RBFOX1: variants seen among roughly 807,000 people sequenced by gnomAD.
RBFOX1 encodes the protein RNA binding fox-1 homolog 1.
In RBFOX1, 8 loss-of-function variants were observed where a neutral mutation model predicts 57.7. That is an observed-to-expected ratio of 0.14 (90% CI 0.08 to 0.25). RBFOX1 has a LOEUF of 0.25. Among genes scored for constraint, RBFOX1 ranks in the 10% least tolerant of loss-of-function variants. The probability of loss-of-function intolerance (pLI) is 1.00; values close to 1 mark genes in which losing one functional copy is unlikely to be tolerated. For missense variants in RBFOX1, 611 were observed against 548.5 expected (o/e 1.11, Z -1.14); for synonymous variants, 326 against 222.4 (o/e 1.47, Z -4.15).
chr16:6,520,642 C>A (rs997658450), intron 2 of RBFOX1, among the ~76,000 whole-genome samples: 2 of 152,182 alleles, frequency 1.3e-5, no homozygotes, highest in African/African-American at 2.4e-5. Flanking sequence ...TGAAGACTAT[C>A]TTTGAAAAGG....
At chr16:5,375,085 CA>C (rs576765968) in intron 1 of RBFOX1, among the ~76,000 whole-genome samples, 6,064 of 36,864 alleles carry the variant, frequency 0.16, 25 homozygotes, top group Non-Finnish European at 0.19. Context: ...TTTAAATGGC[CA>C]AAAAAAAAAA....
At chr16:7,089,236 C>G (rs1337550670) in intron 4 of RBFOX1, among the ~76,000 whole-genome samples, 1 of 152,164 alleles carries the variant, frequency 6.6e-6, no homozygotes, top group Non-Finnish European at 1.5e-5. Context: ...TCTCTTCGAG[C>G]TTGCGTATCA....
At chr16:6,252,402 C>G (rs1169180202) in intron 1 of RBFOX1, among the ~76,000 whole-genome samples, 3 of 151,952 alleles carry the variant, frequency 2.0e-5, no homozygotes, top group Non-Finnish European at 2.9e-5. Flanking sequence ...CAATTAAAAA[C>G]AAAACAAAAA....
chr16:7,114,591 A>C (rs1324046275), intron 4 of RBFOX1, among the ~76,000 whole-genome samples: 17 of 152,156 alleles, frequency 1.1e-4, no homozygotes, highest in Non-Finnish European at 4.4e-5. Flanking sequence ...CCTCTAGCCC[A>C]AGATCTTTCT....
intron 2 of RBFOX1, among the ~76,000 whole-genome samples, chr16:6,503,508 C>G (rs759840001): frequency 2.0e-5 from 3 of 152,228 alleles, no homozygotes; most frequent in Admixed American, 6.5e-5. Context: ...TCTGGGTTTA[C>G]TCACACCACT....
chr16:5,462,337 T>G (rs1012330847), intron 1 of RBFOX1, among the ~76,000 whole-genome samples: 3 of 151,484 alleles, frequency 2.0e-5, no homozygotes, highest in African/African-American at 7.3e-5. Context: ...CCCGGCTAAT[T>G]TTTTGTATTT....
chr16:6,083,047 G>C (rs1402056726), intron 1 of RBFOX1, among the ~76,000 whole-genome samples: 1 of 151,952 alleles, frequency 6.6e-6, no homozygotes, highest in East Asian at 1.9e-4. Flanking sequence ...TGTCACCCAG[G>C]CTGGAGTGCA....
chr16:6,577,868 AT>A (rs1028125858), intron 2 of RBFOX1, among the ~76,000 whole-genome samples: 4 of 152,310 alleles, frequency 2.6e-5, no homozygotes, highest in Admixed American at 2.6e-4. Context: ...ATGGAAGGAT[AT>A]TTTATTTATT....
intron 3 of RBFOX1, among the ~76,000 whole-genome samples, chr16:6,849,466 G>A (rs767773245): frequency 6.6e-5 from 10 of 152,112 alleles, no homozygotes; most frequent in Non-Finnish European, 1.0e-4. Flanking sequence ...CCAGGGGTTC[G>A]AGACCAGCCT....
intron 2 of RBFOX1, among the ~76,000 whole-genome samples, chr16:6,385,894 A>T (rs564462056): frequency 6.6e-6 from 1 of 151,306 alleles, no homozygotes; most frequent in Non-Finnish European, 1.5e-5. Flanking sequence ...CTTCCCCAAC[A>T]TTAGTGTGGG....
intron 2 of RBFOX1, among the ~76,000 whole-genome samples, chr16:6,514,887 G>A (rs1051639913): frequency 6.6e-5 from 10 of 152,166 alleles, no homozygotes; most frequent in African/African-American, 2.4e-4. Context: ...AAGGAGGAAG[G>A]GGAGGAGGAG....
intron 3 of RBFOX1, among the ~76,000 whole-genome samples, chr16:6,914,562 A>G (rs1267213451): frequency 2.0e-5 from 3 of 149,624 alleles, no homozygotes; most frequent in African/African-American, 7.4e-5. Context: ...GAAAACAAAA[A>G]TAAAAAAAAA....
chr16:7,143,360 G>A (rs954500493), intron 4 of RBFOX1, among the ~76,000 whole-genome samples: 5 of 152,088 alleles, frequency 3.3e-5, no homozygotes, highest in African/African-American at 1.2e-4. Context: ...CTGTAGAAAA[G>A]TGGGAACATT....
intron 1 of RBFOX1, among the ~76,000 whole-genome samples, chr16:6,181,098 C>A (rs1167206461): frequency 6.6e-6 from 1 of 152,162 alleles, no homozygotes; most frequent in African/African-American, 2.4e-5. Context: ...TCTGCATCTG[C>A]ACACTGCTTC....
chr16:5,792,190 A>G (rs2054725242), intron 3 of RBFOX1, among the ~76,000 whole-genome samples: 1 of 152,208 alleles, frequency 6.6e-6, no homozygotes, highest in Non-Finnish European at 1.5e-5. Context: ...GCCAATTTTC[A>G]AGTGATGTGT....
chr16:7,312,794 C>T (rs533051648), intron 4 of RBFOX1, among the ~76,000 whole-genome samples: 26 of 152,292 alleles, frequency 1.7e-4, no homozygotes, highest in Middle Eastern at 3.4e-3. Flanking sequence ...CGTCATTATT[C>T]TGTGATGCCA....
rs538640073 is a variant in RBFOX1 at position 6,058,309 on chromosome 16, TCTTCCTCCCTCCTCTC to T, written c.-127+38345_-127+38360del. Reference sequence around the variant, plus strand: ...CTTTCCCTGCCTTCCTCCCTCCTCTTCTTCCTCCCTCCTCTCCTTCCTCCCTCCTCTCCTTCCTCCC... The same window carrying T: ...CTTTCCCTGCCTTCCTCCCTCCTCTTCTTCCTCCCTCCTCTCCTTCCTCCC... On this transcript the variant is annotated intron_variant, in intron 1 of 15. Transcript: ENST00000550418. Among the ~76,000 whole-genome samples the T allele has an allele frequency of 8.3e-4, 125 of 150,052 alleles. 1 individual carries two copies. The East Asian group carries it at 9.6e-3, about 11-fold the overall frequency.
At chr16:7,313,640 C>A (rs1255902379) in intron 4 of RBFOX1, among the ~76,000 whole-genome samples, 1 of 151,926 alleles carries the variant, frequency 6.6e-6, no homozygotes, top group African/African-American at 2.4e-5. Flanking sequence ...TAATCAATAA[C>A]TTTTATGGAG....
chr16:6,223,410 G>A (rs1354965647), intron 1 of RBFOX1, among the ~76,000 whole-genome samples: 1 of 146,344 alleles, frequency 6.8e-6, no homozygotes, highest in South Asian at 2.3e-4. Context: ...GTGTGAGATG[G>A]TATCTCATTG....
Sources: gnomAD v4.1 joint callset for allele counts (sites outside exome capture counted in the v4.1 genomes callset) on GRCh38, gnomAD v4.1.1 for gene constraint, MANE v1.5 for transcripts, NCBI Gene and HGNC (gene_info 2026-07-23, HGNC 2026-07-21) for gene names.